Variants in LRIF1 observed in about 807,000 individuals in gnomAD.
LRIF1 encodes ligand dependent nuclear receptor interacting factor 1.
LRIF1 carries 32 observed loss-of-function variants against 52.7 expected under a neutral mutation model. The ratio of observed to expected loss-of-function variants is 0.61; its 90% CI spans 0.46 to 0.82. The LOEUF is 0.82. Ranked by LOEUF, LRIF1 falls within the 40% of genes least tolerant of loss-of-function variation. LRIF1 has a pLI of 0.00. For synonymous variants in LRIF1, 323 were observed against 317.4 expected, an observed-to-expected ratio of 1.02 and a Z score of -0.19; for missense variants, 887 against 892.0, an observed-to-expected ratio of 0.99 and a Z score of 0.07.
the LRIF1 span, among the ~76,000 whole-genome samples, chr1:110,935,178 C>G: frequency 6.6e-6 from 1 of 152,178 alleles, no homozygotes; most frequent in African/African-American, 2.4e-5. Context: ...ACACTTAAGT[C>G]CTTTAGAATA....
In LRIF1 at chr1:110,952,572, T is replaced by C; in HGVS notation, c.312A>G (p.Ser104=). The change falls in exon 2 of 4, where the codon TCA becomes TCG. Residue 104 remains serine, a synonymous_variant. Coordinates refer to ENST00000369763, the MANE Select transcript of LRIF1 (RefSeq NM_018372.4). ...CTACTGTTCTTGTAAGAAAATAGTT[T>C]GAAGAACTGGCTGGCTGAAAAATGG... ...QLPIFQPASS[S]NYFLTRTVDT... 3 of 1,613,992 alleles carry C rather than the reference T, an allele frequency of 1.9e-6. No individual in the cohort carries two copies. The highest frequency in any genetic ancestry group is 2.5e-6 in the Non-Finnish European group (3 of 1,179,826).
chr1:110,953,354 A>G (rs1482204912), intron 1 of LRIF1, among the ~76,000 whole-genome samples: 1 of 152,132 alleles, frequency 6.6e-6, no homozygotes, highest in Admixed American at 6.5e-5. Context: ...TGTGCTATAG[A>G]TTTCACTGAA....
At chr1:110,889,450 C>T in the LRIF1 span, among the ~76,000 whole-genome samples, 16 of 151,862 alleles carry the variant, frequency 1.1e-4, no homozygotes, top group African/African-American at 1.9e-4. Flanking sequence ...CCCAGCTACT[C>T]GGGAGGCTGA....
chr1:110,934,949 T>A, the LRIF1 span, among the ~76,000 whole-genome samples: 4 of 152,198 alleles, frequency 2.6e-5, no homozygotes, highest in East Asian at 5.8e-4. Context: ...ACAGAGGTGC[T>A]TGTGTCACTT....
the LRIF1 span, among the ~76,000 whole-genome samples, chr1:110,889,427 C>T: frequency 3.3e-5 from 5 of 152,000 alleles, no homozygotes; most frequent in South Asian, 2.1e-4. Flanking sequence ...GGCGTGGTGA[C>T]GGGCGCCTGT....
chr1:110,919,370 AG>A, the LRIF1 span, among the ~76,000 whole-genome samples: 1 of 152,180 alleles, frequency 6.6e-6, no homozygotes, highest in African/African-American at 2.4e-5. Flanking sequence ...CTAGTCTTCC[AG>A]CCTGCATCTT....
chr1:110,963,582 G>A, intron 1 of LRIF1, 39 bp downstream of exon 1: 1 of 1,565,614 alleles, frequency 6.4e-7, no homozygotes, highest in East Asian at 2.3e-5. Flanking sequence ...AAGACGGACA[G>A]AGGGGCAGCC....
At chr1:110,894,405 A>G in the LRIF1 span, 1 of 1,609,702 alleles carries the variant, frequency 6.2e-7, no homozygotes, top group South Asian at 1.1e-5. Context: ...ACAGAAGGTA[A>G]GTTATAAAGA....
chr1:110,912,798 A>G, the LRIF1 span, among the ~76,000 whole-genome samples: 1 of 152,190 alleles, frequency 6.6e-6, no homozygotes, highest in Non-Finnish European at 1.5e-5. Context: ...CAAACTACCA[A>G]TGTCATTTTT....
chr1:110,892,737 T>G, the LRIF1 span: 25 of 529,568 alleles, frequency 4.7e-5, no homozygotes, highest in African/African-American at 4.6e-4. Context: ...AGGGCATTGC[T>G]ATCCCCCTTG....
chr1:110,898,035 A>C, the LRIF1 span: 2 of 513,164 alleles, frequency 3.9e-6, no homozygotes, highest in African/African-American at 3.9e-5. Flanking sequence ...CCAAGTAGCA[A>C]ATAATGTAAT....
chr1:110,909,004 T>C, the LRIF1 span, among the ~76,000 whole-genome samples: 216 of 152,180 alleles, frequency 1.4e-3, 3 homozygotes, highest in South Asian at 0.016. Context: ...GCAGGTCATG[T>C]ACAAGGGCTA....
At chr1:110,927,303 C>A in the LRIF1 span, among the ~76,000 whole-genome samples, 1 of 152,154 alleles carries the variant, frequency 6.6e-6, no homozygotes, top group Non-Finnish European at 1.5e-5. Context: ...ATCTGAACTT[C>A]TTGCCTCCTT....
At chr1:110,878,406 G>C in the LRIF1 span, among the ~76,000 whole-genome samples, 4 of 152,162 alleles carry the variant, frequency 2.6e-5, no homozygotes, top group Non-Finnish European at 5.9e-5. Context: ...GAATGCTCTT[G>C]TATGTAAATT....
downstream of LRIF1, among the ~76,000 whole-genome samples, chr1:110,942,706 C>G (rs184744076): frequency 3.5e-4 from 54 of 152,126 alleles, 2 homozygotes; most frequent in African/African-American, 1.3e-3. Flanking sequence ...AGGATTTCCA[C>G]CTGATCAAGT....
intron 1 of LRIF1, among the ~76,000 whole-genome samples, chr1:110,957,178 C>G (rs1056800620): frequency 2.0e-5 from 3 of 151,986 alleles, no homozygotes; most frequent in Admixed American, 6.6e-5. Flanking sequence ...CAACAATTCG[C>G]CAGGTGCGGT....
In LRIF1 at chr1:110,951,868, G is replaced by T. The variant is rs758994546; in HGVS notation, c.1016C>A (p.Thr339Asn). 3 of 1,613,646 alleles carry T rather than the reference G, an allele frequency of 1.9e-6. No individual in the cohort carries two copies. In the South Asian group the frequency reaches 3.3e-5, roughly 18 times the overall value. Residue 339 changes from threonine (T) to asparagine (N), a missense_variant, in exon 2 of 4, where the codon ACC becomes AAC. Transcript: ENST00000369763. ...DNTINMPPLS[T>N]IDPSGTRSKN... ...GGATCGCGTCCCACTAGGATCGATGGTACTCAATGGTGGCATATTTATAGT... is the reference window on the plus strand; with the variant it reads ...GGATCGCGTCCCACTAGGATCGATGTTACTCAATGGTGGCATATTTATAGT...
chr1:110,953,628 A>C (rs1410397209), intron 1 of LRIF1, among the ~76,000 whole-genome samples: 2 of 152,178 alleles, frequency 1.3e-5, no homozygotes, highest in East Asian at 3.8e-4. Context: ...TCTTAAGAAA[A>C]ATCAATATAT....
chr1:110,902,414 T>C, the LRIF1 span, among the ~76,000 whole-genome samples: 1 of 151,138 alleles, frequency 6.6e-6, no homozygotes, highest in Non-Finnish European at 1.5e-5. Context: ...TAATAAGGCT[T>C]TGTGGAACAA....
Sources: gnomAD v4.1 joint callset for allele counts (sites outside exome capture counted in the v4.1 genomes callset) on GRCh38, gnomAD v4.1.1 for gene constraint, MANE v1.5 for transcripts, NCBI Gene and HGNC (gene_info 2026-07-23, HGNC 2026-07-21) for gene names.